TUSC3: variants seen among roughly 807,000 people sequenced by gnomAD.
TUSC3 encodes the protein dolichyl-diphosphooligosaccharide--protein glycosyltransferase subunit TUSC3.
In TUSC3, 45 loss-of-function variants were observed where a neutral mutation model predicts 44.8. That is an observed-to-expected ratio of 1.00 (90% CI 0.79 to 1.29). The LOEUF (loss-of-function observed/expected upper bound fraction) is 1.29. TUSC3 is among the 50% of genes most tolerant of loss of function. The pLI is 0.00. For missense variants in TUSC3, 519 were observed against 437.9 expected, an observed-to-expected ratio of 1.19 and a Z score of -1.65; for synonymous variants, 212 against 152.9, an observed-to-expected ratio of 1.39 and a Z score of -2.85.
At chr8:15,827,055 T>C in the TUSC3 span, among the ~76,000 whole-genome samples, 1 of 152,260 alleles carries the variant, frequency 6.6e-6, no homozygotes, top group East Asian at 1.9e-4. Flanking sequence ...CCCTTTGAAT[T>C]CCCTTCCACA....
chr8:15,443,740 A>G (rs1337074998), intron 1 of TUSC3, among the ~76,000 whole-genome samples: 1 of 152,088 alleles, frequency 6.6e-6, no homozygotes, highest in East Asian at 1.9e-4. Context: ...ATGGTTTAGG[A>G]GTCACGCAGC....
At chr8:15,822,986 A>G in the TUSC3 span, among the ~76,000 whole-genome samples, 1 of 152,226 alleles carries the variant, frequency 6.6e-6, no homozygotes, top group Admixed American at 6.5e-5. Flanking sequence ...ACCGACCACT[A>G]AAATCCTCTT....
chr8:15,805,145 T>G, the TUSC3 span, among the ~76,000 whole-genome samples: 3 of 152,158 alleles, frequency 2.0e-5, no homozygotes, highest in Non-Finnish European at 4.4e-5. Flanking sequence ...ACGTTATTGG[T>G]GTATGGAAAT....
intron 1 of TUSC3, among the ~76,000 whole-genome samples, chr8:15,565,058 G>A (rs759142424): frequency 6.6e-6 from 1 of 152,080 alleles, no homozygotes; most frequent in Non-Finnish European, 1.5e-5. Context: ...TAAAACAACA[G>A]CAATCGATTA....
At chr8:15,772,347 G>A in the TUSC3 span, among the ~76,000 whole-genome samples, 1 of 152,194 alleles carries the variant, frequency 6.6e-6, no homozygotes, top group East Asian at 1.9e-4. Flanking sequence ...ATGGAAGTGG[G>A]AACATTAATA....
At chr8:15,439,926 A>G (rs546147946) in intron 1 of TUSC3, among the ~76,000 whole-genome samples, 1 of 152,218 alleles carries the variant, frequency 6.6e-6, no homozygotes, top group African/African-American at 2.4e-5. Context: ...AAGTAATGCA[A>G]CAGATACTAG....
chr8:15,490,942 C>A (rs932678961), intron 2 of TUSC3, among the ~76,000 whole-genome samples: 1 of 152,146 alleles, frequency 6.6e-6, no homozygotes, highest in African/African-American at 2.4e-5. Context: ...AATTACAGTG[C>A]TCCATGCTTT....
At chr8:15,446,493 A>G (rs1479566092) in intron 1 of TUSC3, among the ~76,000 whole-genome samples, 1 of 152,010 alleles carries the variant, frequency 6.6e-6, no homozygotes, top group Non-Finnish European at 1.5e-5. Context: ...CAGGAGGCCC[A>G]GGCGGGCAGA....
chr8:15,573,849 C>T (rs1007831248), intron 1 of TUSC3, among the ~76,000 whole-genome samples: 6 of 151,728 alleles, frequency 4.0e-5, no homozygotes, highest in Admixed American at 1.3e-4. Context: ...AGAATTGTTT[C>T]GTCAGAACAT....
At chr8:15,657,952 G>C (rs1807248197) in intron 3 of TUSC3, among the ~76,000 whole-genome samples, 1 of 152,130 alleles carries the variant, frequency 6.6e-6, no homozygotes, top group Non-Finnish European at 1.5e-5. Context: ...ATGGCATGAG[G>C]GGACAGTGTG....
chr8:15,843,617 T>TACAC, the TUSC3 span, among the ~76,000 whole-genome samples: 4 of 136,330 alleles, frequency 2.9e-5, no homozygotes, highest in East Asian at 2.0e-4. Flanking sequence ...TATATATATA[T>TACAC]ATATACACGC....
At chr8:15,448,343 T>G (rs1800138864) in intron 1 of TUSC3, among the ~76,000 whole-genome samples, 1 of 151,820 alleles carries the variant, frequency 6.6e-6, no homozygotes, top group African/African-American at 2.4e-5. Flanking sequence ...GGTCTCAAAC[T>G]CCCAGCCTCA....
At chr8:15,523,212 G>A (rs537530871) in intron 2 of TUSC3, among the ~76,000 whole-genome samples, 2 of 152,210 alleles carry the variant, frequency 1.3e-5, no homozygotes, top group South Asian at 2.1e-4. Context: ...GAGTGAGATC[G>A]TCTGAGTTGA....
chr8:15,846,908 C>G, the TUSC3 span, among the ~76,000 whole-genome samples: 5 of 150,754 alleles, frequency 3.3e-5, no homozygotes, highest in African/African-American at 4.9e-5. Flanking sequence ...ACAATTTAAG[C>G]CAAAGGGGGG....
intron 1 of TUSC3, among the ~76,000 whole-genome samples, chr8:15,582,697 G>A (rs921115152): frequency 3.3e-5 from 5 of 152,168 alleles, no homozygotes; most frequent in Non-Finnish European, 5.9e-5. Context: ...TTCTCTGCAA[G>A]CCTGCTGCTG....
At chr8:15,649,887 C>A in intron 2 of TUSC3, among the ~76,000 whole-genome samples, 1 of 152,142 alleles carries the variant, frequency 6.6e-6, no homozygotes, top group Non-Finnish European at 1.5e-5. Context: ...AGAGAACAGT[C>A]AACCATACTG....
chr8:15,497,430 G>T (rs184882062), intron 2 of TUSC3, among the ~76,000 whole-genome samples: 11 of 152,268 alleles, frequency 7.2e-5, no homozygotes, highest in Admixed American at 2.0e-4. Flanking sequence ...TTTGCTAAAC[G>T]AACATGTTAA....
intron 1 of TUSC3, among the ~76,000 whole-genome samples, chr8:15,584,285 G>T (rs1169472944): frequency 2.0e-5 from 3 of 152,188 alleles, no homozygotes; most frequent in Admixed American, 2.0e-4. Flanking sequence ...GGGTGATCCA[G>T]AAGGATAGGG....
At chr8:15,836,743 A>G in the TUSC3 span, among the ~76,000 whole-genome samples, 3 of 152,148 alleles carry the variant, frequency 2.0e-5, no homozygotes, top group Non-Finnish European at 4.4e-5. Flanking sequence ...ATACATGTTT[A>G]TTGTCACATA....
Sources: allele counts gnomAD v4.1 joint callset (sites outside exome capture counted in the v4.1 genomes callset), GRCh38; gene constraint gnomAD v4.1.1; transcripts MANE v1.5; gene names NCBI Gene and HGNC (gene_info 2026-07-23, HGNC 2026-07-21).